KIF3A: variants seen among roughly 807,000 people sequenced by gnomAD.
The protein encoded by KIF3A is kinesin family member 3A, also known as kinesin-like protein KIF3A.
KIF3A carries 27 observed loss-of-function variants against 92.6 expected under a neutral mutation model. The ratio of observed to expected loss-of-function variants is 0.29; its 90% confidence interval spans 0.21 to 0.40. KIF3A has a LOEUF of 0.40. Among genes scored for constraint, KIF3A ranks in the 10% least tolerant of loss-of-function variants. KIF3A has a pLI of 1.00. For missense variants in KIF3A, 581 were observed against 872.6 expected (o/e 0.67, Z 4.21); for synonymous variants, 250 against 275.4 (o/e 0.91, Z 0.92).
chr5:132,697,344 C>G (rs77655822), intron 18 of KIF3A, among the ~76,000 whole-genome samples: 1 of 150,780 alleles, frequency 6.6e-6, no homozygotes, highest in African/African-American at 2.4e-5. Flanking sequence ...TTGGGCCACA[C>G]GATTTTTTTA....
intron 3 of KIF3A, 55 bp downstream of exon 3, chr5:132,726,299 G>T: frequency 2.5e-6 from 4 of 1,577,660 alleles, no homozygotes; most frequent in Non-Finnish European, 2.6e-6. Flanking sequence ...ATACCTATGT[G>T]CCTTTCCAGT....
intron 2 of KIF3A, among the ~76,000 whole-genome samples, chr5:132,729,139 A>G (rs2149919589): frequency 6.6e-6 from 1 of 152,202 alleles, no homozygotes; most frequent in East Asian, 1.9e-4. Context: ...AAAGAGTGGG[A>G]GGCGAGTGAG....
chr5:132,720,578 A>C, intron 5 of KIF3A, 31 bp downstream of exon 5: 1 of 1,412,618 alleles, frequency 7.1e-7, no homozygotes, highest in Non-Finnish European at 9.9e-7. Context: ...CAACACACAG[A>C]TGCTTAATCA....
chr5:132,699,599 C>T (rs1226693357), intron 17 of KIF3A: 2 of 455,796 alleles, frequency 4.4e-6, no homozygotes, highest in Non-Finnish European at 8.7e-6. Flanking sequence ...CACTCTGTCG[C>T]CCAGGCTGGA....
In KIF3A at chr5:132,696,293, G is replaced by C. The variant is rs1205000737; in HGVS notation, c.*341C>G. 1 of 165,102 alleles carries C rather than the reference G, an allele frequency of 6.1e-6. No homozygotes were observed. The highest frequency in any genetic ancestry group is 1.6e-4 in the East Asian group (1 of 6,092). 10.2% of individuals were successfully genotyped at this position (165,102 alleles called of 1,614,324 possible). ...TTTTTTTTTCTATTTTGAAATTCTA[G>C]TTACCTAAATATACAGTAGTTGGAT... On this transcript the variant is annotated 3_prime_UTR_variant, in exon 19 of 19. Coordinates refer to ENST00000403231, the MANE Select transcript of KIF3A (RefSeq NM_001300791.2).
chr5:132,716,046 C>T (rs1581083274), intron 7 of KIF3A, 115 bp from the exon 8 acceptor site: 11 of 894,416 alleles, frequency 1.2e-5, no homozygotes, highest in Admixed American at 5.8e-5. Context: ...TTGGCCTTCT[C>T]GAAAATGAGA....
chr5:132,724,818 T>TTAA (rs1753974509), intron 4 of KIF3A, among the ~76,000 whole-genome samples: 1 of 13,844 alleles, frequency 7.2e-5, no homozygotes, highest in African/African-American at 1.6e-4. Flanking sequence ...TATATATATA[T>TTAA]ATATATATAT....
At chr5:132,722,825 A>G (rs1336256186) in intron 4 of KIF3A, among the ~76,000 whole-genome samples, 1 of 152,226 alleles carries the variant, frequency 6.6e-6, no homozygotes, top group Non-Finnish European at 1.5e-5. Context: ...GATCAACAAT[A>G]CAACATACCT....
intron 15 of KIF3A, 29 bp downstream of exon 15, chr5:132,702,058 C>T (rs1753055168): frequency 6.3e-7 from 1 of 1,586,240 alleles, no homozygotes; most frequent in Middle Eastern, 1.7e-4. Context: ...AGTCAAGCGA[C>T]TATCTCGGTC....
At chr5:132,726,718 T>C (rs78607503) in intron 2 of KIF3A, among the ~76,000 whole-genome samples, 3,789 of 152,246 alleles carry the variant, frequency 0.025, 165 homozygotes, top group African/African-American at 0.088. Context: ...TCCCTAAGAA[T>C]TAATAAAAAG....
At chr5:132,737,255 T>C (rs1389011943) in intron 1 of KIF3A, among the ~76,000 whole-genome samples, 159 bp downstream of exon 1, 1 of 152,136 alleles carries the variant, frequency 6.6e-6, no homozygotes, top group Non-Finnish European at 1.5e-5. Flanking sequence ...GCCCCGGGGC[T>C]GACCAGCCAG....
rs1360275160 is a variant in KIF3A at position 132,702,566 on chromosome 5, T to C, written c.1750A>G (p.Lys584Glu). The C allele has an allele frequency of 2.5e-6, 4 of 1,596,350 alleles. No individual in the cohort carries two copies. Among genetic ancestry groups the C allele is most frequent in the East Asian group, 2.2e-5 (1 of 44,478 alleles). Residue 584 changes from lysine (K) to glutamate (E), a missense_variant, in exon 14 of 19, where the codon AAG becomes GAG. By Grantham distance (56) the Lys-to-Glu change is moderately conservative (BLOSUM62 1). Coordinates refer to ENST00000403231, the MANE Select transcript of KIF3A (RefSeq NM_001300791.2). ...TTTCTAAGAGAACCAACCTCTGACT[T>C]TGCAGCCATCAGCATAGTCCAAACT... ...KKVWTMLMAA[K>E]SEMADLQQEH...
At chr5:132,721,695 T>G (rs563947520) in intron 4 of KIF3A, 4 of 148,354 alleles carry the variant, frequency 2.7e-5, no homozygotes, top group Admixed American at 1.3e-4. Flanking sequence ...GGATATAAAT[T>G]AAGCCCTAAT....
At chr5:132,715,483 C>T (rs568127710) in intron 8 of KIF3A, among the ~76,000 whole-genome samples, 1 of 152,252 alleles carries the variant, frequency 6.6e-6, no homozygotes, top group South Asian at 2.1e-4. Context: ...GACAAATAAA[C>T]ATTCATTCCT....
chr5:132,721,561 G>A (rs183562599), intron 4 of KIF3A: 92 of 152,210 alleles, frequency 6.0e-4, no homozygotes, highest in African/African-American at 2.1e-3. Context: ...AGGGGAAAAC[G>A]TTATAAAGGT....
At chr5:132,705,877 T>A (rs1366672240) in intron 11 of KIF3A, among the ~76,000 whole-genome samples, 3 of 152,016 alleles carry the variant, frequency 2.0e-5, no homozygotes, top group South Asian at 2.1e-4. Flanking sequence ...GACTTTTTTT[T>A]AAAAAAACCT....
At position 132,727,419 on chromosome 5, in the gene KIF3A, G is replaced by C. The variant is rs188647417; in HGVS notation, c.281-921C>G. 2.6e-5 allele frequency among the ~76,000 whole-genome samples: 4 copies of C among 152,284 alleles called. No individual in the cohort carries two copies. The East Asian group carries it at 7.7e-4, about 29-fold the overall frequency. ...GGAATTGTAATGGGAAAAAGGAGAG[G>C]GGGTCAGGGAGGACTTTCCAGAAGA... On this transcript the variant is annotated intron_variant, in intron 2 of 18. Coordinates refer to ENST00000403231, the MANE Select transcript of KIF3A (RefSeq NM_001300791.2).
chr5:132,690,671 T>C (rs1167198256), downstream of KIF3A, among the ~76,000 whole-genome samples: 1 of 152,168 alleles, frequency 6.6e-6, no homozygotes, highest in East Asian at 1.9e-4. Flanking sequence ...CTCATGCCTG[T>C]AATCCTAGCA....
At chr5:132,708,395 C>CA (rs371469864) in intron 10 of KIF3A, among the ~76,000 whole-genome samples, 87 of 151,706 alleles carry the variant, frequency 5.7e-4, no homozygotes, top group African/African-American at 2.1e-3. Context: ...TTACTTGCTT[C>CA]AAGCTTTATG....
Sources: gnomAD v4.1 joint callset for allele counts (sites outside exome capture counted in the v4.1 genomes callset) on GRCh38, gnomAD v4.1.1 for gene constraint, MANE v1.5 for transcripts, NCBI Gene and HGNC (gene_info 2026-07-23, HGNC 2026-07-21) for gene names.